The following CALN1 variants were observed in gnomAD, a reference collection of about 807,000 sequenced individuals.
CALN1 encodes the protein calneuron 1, also known as calcium-binding protein 8.
A neutral mutation model predicts 30.6 loss-of-function variants in CALN1; 17 were observed. That is an observed-to-expected ratio of 0.56 (90% CI 0.38 to 0.83). CALN1 has a LOEUF of 0.83. CALN1 is among the 40% of genes least tolerant of loss of function. The pLI, the probability that CALN1 is intolerant of heterozygous loss-of-function variation, is 0.00. For synonymous variants in CALN1, 156 were observed against 131.4 expected, an observed-to-expected ratio of 1.19 and a Z score of -1.28; for missense variants, 291 against 354.9, an observed-to-expected ratio of 0.82 and a Z score of 1.45.
intron 3 of CALN1, among the ~76,000 whole-genome samples, chr7:72,148,144 G>GAAA (rs34363697): frequency 6.8e-5 from 9 of 131,472 alleles, no homozygotes; most frequent in East Asian, 4.3e-4. Flanking sequence ...CAAACAAACA[G>GAAA]AAAAAAAAAA....
At chr7:72,220,511 A>G (rs1194643521) in intron 3 of CALN1, among the ~76,000 whole-genome samples, 2 of 151,924 alleles carry the variant, frequency 1.3e-5, no homozygotes, top group Admixed American at 1.3e-4. Flanking sequence ...ATACGTGTGC[A>G]TGTGTCTTTA....
intron 5 of CALN1, among the ~76,000 whole-genome samples, chr7:71,840,814 G>C (rs997025236): frequency 6.6e-6 from 1 of 152,166 alleles, no homozygotes; most frequent in African/African-American, 2.4e-5. Flanking sequence ...CGTTAGCACT[G>C]TTTGACCATG....
chr7:72,262,127 C>T (rs1289689307), intron 3 of CALN1, among the ~76,000 whole-genome samples: 2 of 152,176 alleles, frequency 1.3e-5, no homozygotes, highest in East Asian at 1.9e-4. Flanking sequence ...TCTGGTCAAC[C>T]GGCCTTGCTT....
intron 3 of CALN1, among the ~76,000 whole-genome samples, chr7:72,167,298 G>C (rs1214010294): frequency 2.6e-5 from 4 of 152,168 alleles, no homozygotes; most frequent in African/African-American, 7.2e-5. Flanking sequence ...AACAATAGTA[G>C]ATTGAGAATC....
At chr7:72,374,065 G>C (rs1404881898) in intron 2 of CALN1, among the ~76,000 whole-genome samples, 1 of 152,102 alleles carries the variant, frequency 6.6e-6, no homozygotes, top group East Asian at 1.9e-4. Flanking sequence ...TCACATGCAA[G>C]GAAACAAAGA....
the CALN1 span, among the ~76,000 whole-genome samples, chr7:72,473,675 G>A: frequency 6.6e-6 from 1 of 152,184 alleles, no homozygotes; most frequent in Non-Finnish European, 1.5e-5. Context: ...GCTCATGCCT[G>A]TAATCCCAGC....
chr7:71,962,878 G>T (rs1797318902), intron 5 of CALN1, among the ~76,000 whole-genome samples: 1 of 152,180 alleles, frequency 6.6e-6, no homozygotes, highest in Non-Finnish European at 1.5e-5. Flanking sequence ...AAGGAAAAAT[G>T]AAATCAGAAG....
At chr7:72,105,224 G>A (rs112771483) in intron 4 of CALN1, among the ~76,000 whole-genome samples, 3 of 152,064 alleles carry the variant, frequency 2.0e-5, no homozygotes, top group Non-Finnish European at 2.9e-5. Context: ...CCCTGCCCCC[G>A]CACCTGCCTT....
rs764276435 is a variant in CALN1, at chr7:72,247,227, C to CTT, written c.244+31457_244+31458dup. Reference sequence around the variant, plus strand: ...GGGTTTTCAACAGACCATTTTCTTTCTTTTTTTTTTTTTTTTTTTTTTTTT... The same window carrying CTT: ...GGGTTTTCAACAGACCATTTTCTTTCTTTTTTTTTTTTTTTTTTTTTTTTTTT... On this transcript the variant is annotated intron_variant, in intron 3 of 6. Coordinates refer to ENST00000395275, the MANE Select transcript of CALN1 (RefSeq NM_031468.4). 5.9e-4 allele frequency among the ~76,000 whole-genome samples: 46 copies of CTT among 77,680 alleles called. 5 individuals carry two copies. The highest frequency in any genetic ancestry group is 8.2e-4 in the Non-Finnish European group (35 of 42,942). 51.0% of individuals were successfully genotyped at this position (77,680 alleles called of 152,430 possible).
At chr7:72,216,778 G>A (rs539054913) in intron 3 of CALN1, among the ~76,000 whole-genome samples, 1 of 152,280 alleles carries the variant, frequency 6.6e-6, no homozygotes, top group East Asian at 1.9e-4. Context: ...GGGAGACAGG[G>A]TCTTGCTCTG....
intron 3 of CALN1, among the ~76,000 whole-genome samples, chr7:72,114,981 A>C (rs1330335695): frequency 6.6e-6 from 1 of 151,840 alleles, no homozygotes; most frequent in Non-Finnish European, 1.5e-5. Context: ...GCAACAAGAG[A>C]AAAAGGAGGC....
intron 2 of CALN1, among the ~76,000 whole-genome samples, chr7:72,393,637 C>A (rs1423749848): frequency 6.6e-6 from 1 of 152,176 alleles, no homozygotes; most frequent in Non-Finnish European, 1.5e-5. Context: ...GGGCCCCCCC[C>A]AGGCAAATGC....
chr7:72,500,440 T>A, the CALN1 span, among the ~76,000 whole-genome samples: 1 of 151,282 alleles, frequency 6.6e-6, no homozygotes, highest in South Asian at 2.1e-4. Context: ...ACCACCACAC[T>A]GGGCTAATTT....
intron 5 of CALN1, among the ~76,000 whole-genome samples, chr7:71,812,580 A>G (rs1387121716): frequency 6.6e-6 from 1 of 152,220 alleles, no homozygotes; most frequent in Non-Finnish European, 1.5e-5. Context: ...ACTACAAGAA[A>G]GAGATGAGCT....
At chr7:72,469,455 G>A in the CALN1 span, among the ~76,000 whole-genome samples, 1 of 152,202 alleles carries the variant, frequency 6.6e-6, no homozygotes, top group Non-Finnish European at 1.5e-5. Flanking sequence ...GGAGAGCAGT[G>A]TTGCCATCTC....
At chr7:72,290,716 G>A (rs1003884017) in intron 2 of CALN1, among the ~76,000 whole-genome samples, 1 of 152,072 alleles carries the variant, frequency 6.6e-6, no homozygotes, top group Non-Finnish European at 1.5e-5. Flanking sequence ...TATCTTAGAA[G>A]TAATCTCCTC....
At chr7:72,393,278 C>T (rs1805696526) in intron 2 of CALN1, among the ~76,000 whole-genome samples, 1 of 152,076 alleles carries the variant, frequency 6.6e-6, no homozygotes, top group Non-Finnish European at 1.5e-5. Flanking sequence ...TCCTGGCTAA[C>T]ACGGTGAAAC....
Position 72,020,025 on chromosome 7 carries a change from A to G in CALN1, c.501+3632T>C, listed in dbSNP as rs74533471. Among the ~76,000 whole-genome samples the G allele has an allele frequency of 1.8e-4, 27 of 152,210 alleles. 2 individuals carry two copies. In the East Asian group the frequency reaches 5.0e-3, roughly 28 times the overall value. ...CCTAAGATCAATATCTTCTGCCTGG[A>G]TATCTGGAGGTGAAAAGCTACTTTT... is the stretch of plus-strand genomic sequence containing the variant. On this transcript the variant is annotated intron_variant, in intron 5 of 6. Transcript: ENST00000395275.
intron 2 of CALN1, among the ~76,000 whole-genome samples, chr7:72,311,120 C>T (rs1407516490): frequency 6.6e-6 from 1 of 152,000 alleles, no homozygotes; most frequent in Non-Finnish European, 1.5e-5. Flanking sequence ...AGCCCCTCCT[C>T]CTCCTCTTCA....
Sources: gnomAD v4.1 joint callset for allele counts (sites outside exome capture counted in the v4.1 genomes callset) on GRCh38, gnomAD v4.1.1 for gene constraint, MANE v1.5 for transcripts, NCBI Gene and HGNC (gene_info 2026-07-23, HGNC 2026-07-21) for gene names.